Variants in TNFRSF11A observed in about 807,000 individuals in gnomAD.
The protein encoded by TNFRSF11A is TNF receptor superfamily member 11a, also known as tumor necrosis factor receptor superfamily member 11A.
A neutral mutation model predicts 55.7 loss-of-function variants in TNFRSF11A; 32 were observed. The observed-to-expected ratio is 0.57, with a 90% CI of 0.43 to 0.77. TNFRSF11A has a LOEUF of 0.77. Among genes scored for constraint, TNFRSF11A ranks in the 30% least tolerant of loss-of-function variants. TNFRSF11A has a pLI of 0.00. For missense variants in TNFRSF11A, 753 were observed against 809.8 expected, an observed-to-expected ratio of 0.93 and a Z score of 0.85; for synonymous variants, 311 against 331.0, an observed-to-expected ratio of 0.94 and a Z score of 0.65.
At chr18:62,379,497 A>T (rs181944523) in intron 9 of TNFRSF11A, among the ~76,000 whole-genome samples, 1 of 152,334 alleles carries the variant, frequency 6.6e-6, no homozygotes. Flanking sequence ...ATTTCTATGA[A>T]AACTACTGAA....
At chr18:62,376,010 T>C (rs1258189065) in intron 9 of TNFRSF11A, among the ~76,000 whole-genome samples, 3 of 152,312 alleles carry the variant, frequency 2.0e-5, no homozygotes, top group Admixed American at 6.5e-5. Flanking sequence ...ATTTATTTAC[T>C]GTGTCTTGGA....
intron 9 of TNFRSF11A, among the ~76,000 whole-genome samples, chr18:62,373,457 A>T (rs1910692256): frequency 6.6e-6 from 1 of 152,144 alleles, no homozygotes; most frequent in East Asian, 1.9e-4. Flanking sequence ...TGTCTCAAAA[A>T]AAAAAAGAAA....
intron 3 of TNFRSF11A, among the ~76,000 whole-genome samples, chr18:62,350,514 G>A (rs1208382199): frequency 3.3e-5 from 5 of 152,000 alleles, no homozygotes; most frequent in Non-Finnish European, 7.4e-5. Context: ...GGATGGTCTC[G>A]ATCTCCTGAC....
chr18:62,386,927 A>G lies in TNFRSF11A; in HGVS notation c.*1893A>G, dbSNP rs970417091. ...CAGAGAGATGTTATACAAATGGAGGAAACCATTATACCTTTTGATATGGAA... is the reference window on the plus strand; with the variant it reads ...CAGAGAGATGTTATACAAATGGAGGGAACCATTATACCTTTTGATATGGAA... On this transcript the variant is annotated 3_prime_UTR_variant, in exon 10 of 10. Coordinates refer to ENST00000586569, the MANE Select transcript of TNFRSF11A (RefSeq NM_003839.4). The G allele has an allele frequency of 6.6e-6, 1 of 152,232 alleles. No individual in the cohort carries two copies. Among genetic ancestry groups the G allele is most frequent in the Non-Finnish European group, 1.5e-5 (1 of 68,044 alleles). 9.4% of individuals were successfully genotyped at this position (152,232 alleles called of 1,614,324 possible). A position where few individuals can be genotyped will look rare whatever the true frequency, so the allele number is the denominator to read the frequency against.
Position 62,349,818 on chromosome 18 carries a change from A to C in TNFRSF11A, c.164A>C (p.Tyr55Ser). ...TCTCCCTCATTTTTTTAAGGAAAGT[A>C]CATGTCTTCTAAATGCACTACTACC... Reference protein sequence around the residue: ...RCCNKCEPGKYMSSKCTTTSD... With the variant: ...RCCNKCEPGKSMSSKCTTTSD... The change falls in exon 3 of 10, where the codon TAC becomes TCC. Residue 55 changes from tyrosine to serine, a missense_variant. By Grantham distance (144) the Tyr-to-Ser change is moderately radical (BLOSUM62 -2). This residue lies in a region of TNFRSF11A where 156 missense variants were observed against 155.1 expected (regional missense o/e 1.01). Transcript: ENST00000586569. The C allele has an allele frequency of 6.2e-7, 1 of 1,614,018 alleles. No homozygotes were observed. Among genetic ancestry groups the C allele is most frequent in the Non-Finnish European group, 8.5e-7 (1 of 1,179,948 alleles).
intron 9 of TNFRSF11A, among the ~76,000 whole-genome samples, chr18:62,375,060 A>C (rs1600416038): frequency 1.4e-5 from 2 of 145,970 alleles, no homozygotes; most frequent in South Asian, 2.2e-4. Flanking sequence ...CTGTACCACC[A>C]CACCCTGCTA....
chr18:62,347,135 T>G (rs1166372686), intron 1 of TNFRSF11A, among the ~76,000 whole-genome samples: 1 of 152,184 alleles, frequency 6.6e-6, no homozygotes, highest in Non-Finnish European at 1.5e-5. Flanking sequence ...GCCCATCTGG[T>G]ATGTGTTTCA....
At chr18:62,331,664 G>A (rs571392407) in intron 1 of TNFRSF11A, among the ~76,000 whole-genome samples, 6 of 152,346 alleles carry the variant, frequency 3.9e-5, no homozygotes, top group African/African-American at 1.4e-4. Flanking sequence ...CAGAGCAGAG[G>A]CAGGTGTGAC....
At chr18:62,332,099 C>T (rs190141831) in intron 1 of TNFRSF11A, among the ~76,000 whole-genome samples, 4 of 152,314 alleles carry the variant, frequency 2.6e-5, no homozygotes, top group African/African-American at 9.6e-5. Flanking sequence ...GGAAGAAAAA[C>T]TCTGTTTAGC....
intron 1 of TNFRSF11A, among the ~76,000 whole-genome samples, chr18:62,331,895 C>T (rs966724942): frequency 3.9e-5 from 6 of 152,298 alleles, no homozygotes; most frequent in East Asian, 1.9e-4. Flanking sequence ...GCAGGTGACA[C>T]GGAGGCCCGT....
rs766660352 is a variant in TNFRSF11A, at chr18:62,354,554, G to A, written c.427+20G>A. 6 of 1,601,718 alleles carry A rather than the reference G, an allele frequency of 3.7e-6. No homozygotes were observed. Among genetic ancestry groups the A allele is most frequent in the African/African-American group, 2.7e-5 (2 of 74,914 alleles). ...ACCCGTGTACGGGTTGGATGTGTGC[G>A]TCTGTCGGCTCTTGCTGAGCCATGC... On this transcript the variant is annotated intron_variant, in intron 4 of 9. Transcript: ENST00000586569.
At chr18:62,337,508 A>C (rs1220251686) in intron 1 of TNFRSF11A, among the ~76,000 whole-genome samples, 1 of 152,192 alleles carries the variant, frequency 6.6e-6, no homozygotes, top group African/African-American at 2.4e-5. Flanking sequence ...ACTTAGTCAC[A>C]CGGGCTATCT....
At chr18:62,339,626 C>A (rs991816852) in intron 1 of TNFRSF11A, among the ~76,000 whole-genome samples, 3 of 152,176 alleles carry the variant, frequency 2.0e-5, no homozygotes, top group African/African-American at 7.2e-5. Flanking sequence ...TACAGCAAGC[C>A]AGGACCTCAT....
chr18:62,325,332 C>T lies in TNFRSF11A; in HGVS notation c.-21C>T, dbSNP rs1387622589. 2.0e-6 allele frequency: 2 copies of T among 1,004,554 alleles called. No homozygotes were observed. The highest frequency in any genetic ancestry group is 2.1e-4 in the East Asian group (2 of 9,440). 62.2% of individuals were successfully genotyped at this position (1,004,554 alleles called of 1,614,324 possible). On this transcript the variant is annotated 5_prime_UTR_variant, in exon 1 of 10. Coordinates refer to ENST00000586569, the MANE Select transcript of TNFRSF11A (RefSeq NM_003839.4). This position sits in a 1 kb window ranked among gnomAD's most constrained non-coding sequence, Gnocchi z 4.7. ...CACAGAGGCCGCTGAGGCCGCGGCGCCCGCCAGCCTGTCCCGCGCCATGGC... is the reference window on the plus strand; with the variant it reads ...CACAGAGGCCGCTGAGGCCGCGGCGTCCGCCAGCCTGTCCCGCGCCATGGC...
chr18:62,375,295 G>A (rs1405485065), intron 9 of TNFRSF11A, among the ~76,000 whole-genome samples: 1 of 152,046 alleles, frequency 6.6e-6, no homozygotes, highest in African/African-American at 2.4e-5. Context: ...GATTAAGCAA[G>A]ACCCTTTCTC....
intron 6 of TNFRSF11A, among the ~76,000 whole-genome samples, 170 bp from the exon 7 acceptor site, chr18:62,361,510 T>A (rs1191495321): frequency 6.6e-6 from 1 of 152,088 alleles, no homozygotes; most frequent in African/African-American, 2.4e-5. Flanking sequence ...ATCTCACCCT[T>A]TGGAATGTGA....
At chr18:62,354,723 C>T (rs1000825157) in intron 4 of TNFRSF11A, among the ~76,000 whole-genome samples, 189 bp downstream of exon 4, 3 of 152,170 alleles carry the variant, frequency 2.0e-5, no homozygotes, top group Non-Finnish European at 2.9e-5. Flanking sequence ...AGAATGAATC[C>T]TCGGCTTAGG....
chr18:62,330,793 G>GA (rs913959490), intron 1 of TNFRSF11A: 7 of 151,064 alleles, frequency 4.6e-5, no homozygotes, highest in East Asian at 1.9e-4. Flanking sequence ...CTGGTTATTA[G>GA]AAAAAAAAAG....
chr18:62,354,677 T>C, intron 4 of TNFRSF11A, 143 bp downstream of exon 4: 1 of 1,264,330 alleles, frequency 7.9e-7, no homozygotes, highest in Non-Finnish European at 1.1e-6. Flanking sequence ...AGGTGGGGGC[T>C]GATTTTCCAC....
Sources: allele counts gnomAD v4.1 joint callset (sites outside exome capture counted in the v4.1 genomes callset), GRCh38; gene constraint gnomAD v4.1.1; regional missense constraint gnomAD v4.1.1; non-coding constraint Gnocchi (gnomAD v3.1); transcripts MANE v1.5; gene names NCBI Gene and HGNC (gene_info 2026-07-23, HGNC 2026-07-21).